The following TMEM108 variants were observed in gnomAD, a reference collection of about 807,000 sequenced individuals.
The protein encoded by TMEM108 is transmembrane protein 108, also known as cancer/testis antigen 124.
In TMEM108, 12 loss-of-function variants were observed where a neutral mutation model predicts 35.1. The ratio of observed to expected loss-of-function variants is 0.34; its 90% CI spans 0.22 to 0.55. The LOEUF is 0.55. TMEM108 is among the 20% of genes least tolerant of loss of function. The pLI, the probability that TMEM108 is intolerant of heterozygous loss-of-function variation, is 0.89. For synonymous variants in TMEM108, 287 were observed against 308.6 expected, an observed-to-expected ratio of 0.93 and a Z score of 0.73; for missense variants, 680 against 753.3, an observed-to-expected ratio of 0.90 and a Z score of 1.14.
At chr3:133,082,408 T>C (rs1024132868) in intron 2 of TMEM108, among the ~76,000 whole-genome samples, 1 of 152,208 alleles carries the variant, frequency 6.6e-6, no homozygotes, top group African/African-American at 2.4e-5. Context: ...GTATGCGTTG[T>C]TACTTCTGCC....
At chr3:133,075,496 C>T (rs994523667) in intron 2 of TMEM108, among the ~76,000 whole-genome samples, 4 of 152,104 alleles carry the variant, frequency 2.6e-5, no homozygotes, top group African/African-American at 9.7e-5. Flanking sequence ...GCTGTGATTT[C>T]TAGCAAGTGA....
At chr3:133,179,560 A>G (rs991290551) in intron 2 of TMEM108, among the ~76,000 whole-genome samples, 2 of 152,132 alleles carry the variant, frequency 1.3e-5, no homozygotes, top group African/African-American at 2.4e-5. Flanking sequence ...ACAAGGACAA[A>G]AAACCAAACA....
chr3:133,126,830 C>A lies in TMEM108; in HGVS notation c.-47+80810C>A, dbSNP rs149042331. 8.6e-3 allele frequency among the ~76,000 whole-genome samples: 1,304 copies of A among 152,092 alleles called. 16 individuals carry two copies. The highest frequency in any genetic ancestry group is 0.027 in the African/African-American group (1,129 of 41,450). On this transcript the variant is annotated intron_variant, in intron 2 of 5. Coordinates refer to ENST00000321871, the MANE Select transcript of TMEM108 (RefSeq NM_023943.4). The stretch of plus-strand genomic sequence containing the variant: ...ACACATCCTCCCATATATTTTAAAT[C>A]ATCTTTAGATTACTTAAAATACCTA...
At chr3:133,110,357 G>C (rs796570439) in intron 2 of TMEM108, among the ~76,000 whole-genome samples, 2 of 152,176 alleles carry the variant, frequency 1.3e-5, no homozygotes, top group Admixed American at 6.5e-5. Flanking sequence ...GGCTATGTGC[G>C]TCAGGTAGCT....
At chr3:133,388,110 C>G (rs1486310887) in intron 4 of TMEM108, 5 of 985,380 alleles carry the variant, frequency 5.1e-6, no homozygotes. Flanking sequence ...CCCTCTAGCT[C>G]TAACTCTACC....
At chr3:133,392,663 C>G (rs529044075) in intron 5 of TMEM108, among the ~76,000 whole-genome samples, 3 of 152,102 alleles carry the variant, frequency 2.0e-5, no homozygotes, top group Admixed American at 6.5e-5. Context: ...ACCCCAAAAC[C>G]CAAACCTCAC....
chr3:133,304,294 A>T (rs888484982), intron 3 of TMEM108, among the ~76,000 whole-genome samples: 9 of 152,202 alleles, frequency 5.9e-5, no homozygotes, highest in African/African-American at 2.2e-4. Context: ...GAGAAGTCTC[A>T]TATATTGCAT....
At chr3:133,230,493 A>G (rs749247550) in intron 3 of TMEM108, among the ~76,000 whole-genome samples, 4 of 152,206 alleles carry the variant, frequency 2.6e-5, no homozygotes, top group Non-Finnish European at 5.9e-5. Flanking sequence ...CTTTTTAAAA[A>G]ATGATAAGCT....
At chr3:133,054,140 T>G (rs9810472) in intron 2 of TMEM108, among the ~76,000 whole-genome samples, 82,542 of 151,984 alleles carry the variant, frequency 0.54, 22,540 homozygotes, top group Admixed American at 0.6. Context: ...CTAGTTTAAT[T>G]ACCCTGAATT....
At chr3:133,360,667 T>C (rs908439642) in intron 3 of TMEM108, among the ~76,000 whole-genome samples, 2 of 152,228 alleles carry the variant, frequency 1.3e-5, no homozygotes, top group African/African-American at 4.8e-5. Context: ...TTTCTCCCAC[T>C]TTTTGTGCGC....
rs2071813109 is a variant in TMEM108 at position 133,346,237 on chromosome 3, C to A, written c.41-33515C>A. 6.6e-6 allele frequency among the ~76,000 whole-genome samples: 1 copy of A among 151,866 alleles called. No homozygotes were observed. The highest frequency in any genetic ancestry group is 2.4e-5 in the African/African-American group (1 of 41,384). ...AAACTTTCTTCCTTGGTGGCTGTACCATTTTGCATTCCTGTCAGCACTGAA... is the reference window on the plus strand; with the variant it reads ...AAACTTTCTTCCTTGGTGGCTGTACAATTTTGCATTCCTGTCAGCACTGAA... On this transcript the variant is annotated intron_variant, in intron 3 of 5. Transcript: ENST00000321871. This position sits in a 1 kb window ranked among gnomAD's most constrained non-coding sequence, Gnocchi z 4.0.
intron 2 of TMEM108, among the ~76,000 whole-genome samples, chr3:133,101,321 G>A (rs538438182): frequency 6.6e-6 from 1 of 152,226 alleles, no homozygotes; most frequent in African/African-American, 2.4e-5. Flanking sequence ...CATCACCCCT[G>A]CCTTGGTTAA....
chr3:133,373,806 T>C (rs183843388), intron 3 of TMEM108, among the ~76,000 whole-genome samples: 1 of 152,220 alleles, frequency 6.6e-6, no homozygotes, highest in African/African-American at 2.4e-5. Flanking sequence ...CTATTGATAA[T>C]AGAAACCAAA....
chr3:133,111,561 ATTC>A (rs1177164045), intron 2 of TMEM108, among the ~76,000 whole-genome samples: 1 of 152,140 alleles, frequency 6.6e-6, no homozygotes, highest in African/African-American at 2.4e-5. Flanking sequence ...ATGTGTGTGT[ATTC>A]ATATATATTA....
chr3:133,259,955 G>A (rs1290267792), intron 3 of TMEM108, among the ~76,000 whole-genome samples: 2 of 152,150 alleles, frequency 1.3e-5, no homozygotes, highest in East Asian at 3.8e-4. Flanking sequence ...ACAGAGCCCA[G>A]GAAAGGATCT....
At chr3:133,138,409 G>A (rs372606042) in intron 2 of TMEM108, among the ~76,000 whole-genome samples, 47 of 152,310 alleles carry the variant, frequency 3.1e-4, no homozygotes, top group African/African-American at 9.6e-4. Flanking sequence ...CCAACCCAGG[G>A]CCTGTGGGCT....
chr3:133,072,085 G>T (rs751599158), intron 2 of TMEM108, among the ~76,000 whole-genome samples: 22 of 152,068 alleles, frequency 1.4e-4, no homozygotes, highest in Non-Finnish European at 2.6e-4. Context: ...CAGTCCTTTG[G>T]TGTTGGTACC....
At position 133,357,222 on chromosome 3, in the gene TMEM108, G is replaced by A. The variant is rs1306700655; in HGVS notation, c.41-22530G>A. Among the ~76,000 whole-genome samples, 13 of 152,174 alleles carry A rather than the reference G, an allele frequency of 8.5e-5. No individual in the cohort carries two copies. In the East Asian group the frequency reaches 9.7e-4, roughly 11 times the overall value. On this transcript the variant is annotated intron_variant, in intron 3 of 5. Coordinates refer to ENST00000321871, the MANE Select transcript of TMEM108 (RefSeq NM_023943.4). Reference sequence around the variant, plus strand: ...CATCAGGGAAATGCTAATTAAAACCGCAGTGAGATGCCACCTTACTCCTGT... The same window carrying A: ...CATCAGGGAAATGCTAATTAAAACCACAGTGAGATGCCACCTTACTCCTGT...
chr3:133,122,646 G>C (rs1010754927), intron 2 of TMEM108, among the ~76,000 whole-genome samples: 2 of 151,962 alleles, frequency 1.3e-5, no homozygotes, highest in African/African-American at 4.8e-5. Flanking sequence ...TGGACGGATC[G>C]AGGTCAGGAG....
Sources: allele counts gnomAD v4.1 joint callset (sites outside exome capture counted in the v4.1 genomes callset), GRCh38; gene constraint gnomAD v4.1.1; non-coding constraint Gnocchi (gnomAD v3.1); transcripts MANE v1.5; gene names NCBI Gene and HGNC (gene_info 2026-07-23, HGNC 2026-07-21).